FCHSD2: variants seen among roughly 807,000 people sequenced by gnomAD.
FCHSD2 encodes F-BAR and double SH3 domains protein 2.
In FCHSD2, 38 loss-of-function variants were observed where a neutral mutation model predicts 108.1. The observed-to-expected ratio is 0.35, with a 90% confidence interval of 0.27 to 0.46. FCHSD2 has a LOEUF of 0.46. Ranked by LOEUF, FCHSD2 falls within the 20% of genes least tolerant of loss-of-function variation. The probability of loss-of-function intolerance (pLI) is 1.00; values close to 1 mark genes in which losing one functional copy is unlikely to be tolerated. For synonymous variants in FCHSD2, 279 were observed against 314.7 expected (o/e 0.89, Z 1.20); for missense variants, 751 against 897.8 (o/e 0.84, Z 2.09).
intron 2 of FCHSD2, among the ~76,000 whole-genome samples, chr11:73,087,178 G>A (rs1859837155): frequency 1.3e-5 from 2 of 152,102 alleles, no homozygotes; most frequent in Admixed American, 6.5e-5. Context: ...CTAGGTTAAT[G>A]TATGTGTGTC....
intron 9 of FCHSD2, among the ~76,000 whole-genome samples, chr11:72,919,536 C>T (rs1462221687): frequency 6.6e-6 from 1 of 152,080 alleles, no homozygotes; most frequent in Admixed American, 6.6e-5. Context: ...CTTCTGAGTC[C>T]AATTTCCTCC....
At chr11:72,903,247 C>T (rs1011038428) in intron 9 of FCHSD2, among the ~76,000 whole-genome samples, 1 of 151,978 alleles carries the variant, frequency 6.6e-6, no homozygotes, top group Non-Finnish European at 1.5e-5. Flanking sequence ...AGACGAGTCT[C>T]GCTCTGTCGC....
chr11:73,088,706 C>G (rs1591544119), intron 2 of FCHSD2, among the ~76,000 whole-genome samples: 1 of 152,272 alleles, frequency 6.6e-6, no homozygotes, highest in East Asian at 1.9e-4. Context: ...ATGACCAGCA[C>G]TACCAAATGT....
At chr11:73,117,421 T>C (rs1591567867) in intron 2 of FCHSD2, among the ~76,000 whole-genome samples, 1 of 152,336 alleles carries the variant, frequency 6.6e-6, no homozygotes, top group East Asian at 1.9e-4. Context: ...AGGCATATTT[T>C]GGGTTTTTTC....
chr11:72,887,655 C>CA, intron 11 of FCHSD2, 81 bp from the exon 12 acceptor site: 1 of 916,390 alleles, frequency 1.1e-6, no homozygotes, highest in Non-Finnish European at 1.6e-6. Context: ...TTACATAATT[C>CA]AAAGGGCTTT....
intron 8 of FCHSD2, among the ~76,000 whole-genome samples, chr11:72,956,396 A>G (rs1293249401): frequency 6.6e-6 from 1 of 152,182 alleles, no homozygotes; most frequent in Non-Finnish European, 1.5e-5. Flanking sequence ...CTGACAAGGA[A>G]CAGGATATTG....
Position 72,982,253 on chromosome 11 carries a change from T to G in FCHSD2, c.705+1835A>C, listed in dbSNP as rs549696152. On this transcript the variant is annotated intron_variant, in intron 8 of 19. Coordinates refer to ENST00000409418, the MANE Select transcript of FCHSD2 (RefSeq NM_014824.3). ...GTTTTTGCCTGAAGGTCCCGAGAACTGTCCCATCTCTACTTTCAAGGAAAG... is the reference window on the plus strand; with the variant it reads ...GTTTTTGCCTGAAGGTCCCGAGAACGGTCCCATCTCTACTTTCAAGGAAAG... Among the ~76,000 whole-genome samples, 44 of 152,348 alleles carry G rather than the reference T, an allele frequency of 2.9e-4. 1 individual carries two copies. Among genetic ancestry groups the G allele is most frequent in the Non-Finnish European group, 6.0e-4 (41 of 68,022 alleles).
intron 3 of FCHSD2, among the ~76,000 whole-genome samples, chr11:73,046,464 T>C (rs576584432): frequency 1.1e-4 from 17 of 152,228 alleles, no homozygotes; most frequent in Non-Finnish European, 2.5e-4. Flanking sequence ...ATATCATTTT[T>C]GGCCCAGGAT....
chr11:72,950,966 C>T (rs909827459), intron 8 of FCHSD2, among the ~76,000 whole-genome samples: 2 of 152,194 alleles, frequency 1.3e-5, no homozygotes, highest in Non-Finnish European at 2.9e-5. Flanking sequence ...AGGACTAGAT[C>T]TTAAGAGAAT....
chr11:72,923,074 C>T (rs1856005592), intron 8 of FCHSD2, among the ~76,000 whole-genome samples: 2 of 152,110 alleles, frequency 1.3e-5, no homozygotes, highest in African/African-American at 4.8e-5. Context: ...GCTTCTGTTG[C>T]CCAGCATAAT....
At chr11:72,916,109 G>A (rs1855868330) in intron 9 of FCHSD2, among the ~76,000 whole-genome samples, 1 of 151,854 alleles carries the variant, frequency 6.6e-6, no homozygotes, top group Non-Finnish European at 1.5e-5. Context: ...ATAACTAATG[G>A]GTACTAGGCT....
At chr11:73,020,392 G>T (rs553277635) in intron 3 of FCHSD2, among the ~76,000 whole-genome samples, 1 of 152,172 alleles carries the variant, frequency 6.6e-6, no homozygotes, top group East Asian at 1.9e-4. Flanking sequence ...TTTACTAAGG[G>T]TTTGCCATTA....
chr11:73,138,796 C>T (rs1861181679), intron 2 of FCHSD2, among the ~76,000 whole-genome samples: 1 of 151,966 alleles, frequency 6.6e-6, no homozygotes, highest in Non-Finnish European at 1.5e-5. Flanking sequence ...TTAGTAGAGA[C>T]AGGGTTTTAT....
chr11:73,017,630 T>C (rs947886055), intron 3 of FCHSD2, among the ~76,000 whole-genome samples: 1 of 152,186 alleles, frequency 6.6e-6, no homozygotes, highest in African/African-American at 2.4e-5. Flanking sequence ...CCGTAACAGT[T>C]CCACTTAACA....
chr11:73,135,039 A>T (rs1861090551), intron 2 of FCHSD2, among the ~76,000 whole-genome samples: 1 of 152,194 alleles, frequency 6.6e-6, no homozygotes, highest in South Asian at 2.1e-4. Context: ...TTTTTAGTAG[A>T]GACAGGGTTT....
intron 3 of FCHSD2, among the ~76,000 whole-genome samples, chr11:73,062,131 T>C (rs1645569388): frequency 6.6e-6 from 1 of 152,184 alleles, no homozygotes; most frequent in Non-Finnish European, 1.5e-5. Flanking sequence ...CAATCTTTGA[T>C]GTTCTGCAGC....
intron 2 of FCHSD2, among the ~76,000 whole-genome samples, chr11:73,106,608 A>T (rs1860350895): frequency 6.6e-6 from 1 of 151,920 alleles, no homozygotes; most frequent in Non-Finnish European, 1.5e-5. Flanking sequence ...CATGAAACTT[A>T]TTGATAAATA....
At chr11:73,059,545 T>C (rs1859113206) in intron 3 of FCHSD2, among the ~76,000 whole-genome samples, 1 of 152,170 alleles carries the variant, frequency 6.6e-6, no homozygotes, top group Non-Finnish European at 1.5e-5. Context: ...TTCTGCCTTG[T>C]ACTAAGTTTA....
chr11:72,925,901 G>A (rs1286780580), intron 8 of FCHSD2, among the ~76,000 whole-genome samples: 2 of 152,204 alleles, frequency 1.3e-5, no homozygotes, highest in Non-Finnish European at 2.9e-5. Flanking sequence ...CTACGGAGCA[G>A]GCAGGAGCCC....
Sources: allele counts gnomAD v4.1 joint callset (sites outside exome capture counted in the v4.1 genomes callset), GRCh38; gene constraint gnomAD v4.1.1; transcripts MANE v1.5; gene names NCBI Gene and HGNC (gene_info 2026-07-23, HGNC 2026-07-21).